Variants in ASIP observed in about 807,000 individuals in gnomAD.
ASIP encodes the protein agouti-signaling protein.
A neutral mutation model predicts 10.3 loss-of-function variants in ASIP; 11 were observed. The ratio of observed to expected loss-of-function variants is 1.07; its 90% CI spans 0.68 to 1.78. ASIP has a LOEUF of 1.78. ASIP is among the 40% of genes most tolerant of loss of function. The pLI, the probability that ASIP is intolerant of heterozygous loss-of-function variation, is 0.00. For synonymous variants in ASIP, 70 were observed against 70.8 expected (o/e 0.99, Z 0.06); for missense variants, 180 against 169.2 (o/e 1.06, Z -0.35).
At chr20:34,220,901 C>T (rs761290558) in intron 1 of ASIP, among the ~76,000 whole-genome samples, 2 of 151,398 alleles carry the variant, frequency 1.3e-5, no homozygotes, top group Admixed American at 6.6e-5. Flanking sequence ...TTTGTCACTC[C>T]GAAAGCCCAT....
intron 1 of ASIP, among the ~76,000 whole-genome samples, chr20:34,241,869 G>C (rs1011516744): frequency 6.6e-6 from 1 of 152,202 alleles, no homozygotes. Flanking sequence ...AACTCTTACA[G>C]AGCAGAATTT....
At chr20:34,208,790 C>T (rs1173041977) in intron 1 of ASIP, among the ~76,000 whole-genome samples, 1 of 152,166 alleles carries the variant, frequency 6.6e-6, no homozygotes, top group Non-Finnish European at 1.5e-5. Flanking sequence ...TCTTCAATTT[C>T]TTGAATCAAT....
intron 1 of ASIP, among the ~76,000 whole-genome samples, chr20:34,206,188 G>T (rs1362829406): frequency 1.3e-5 from 2 of 152,062 alleles, no homozygotes; most frequent in Non-Finnish European, 2.9e-5. Flanking sequence ...GTAGAGACGG[G>T]GTTTCACTAT....
chr20:34,233,438 C>T (rs568264441), intron 1 of ASIP, among the ~76,000 whole-genome samples: 17 of 152,068 alleles, frequency 1.1e-4, no homozygotes, highest in Non-Finnish European at 2.4e-4. Context: ...TGAGCCACCG[C>T]GCCCGGCCCA....
chr20:34,205,641 G>A lies in ASIP; in HGVS notation c.-11+10881G>A, dbSNP rs74973710. On this transcript the variant is annotated intron_variant, in intron 1 of 3. Coordinates refer to the ASIP transcript ENST00000568305. Reference sequence around the variant, plus strand: ...TATTTGGCCCCACCCACATCCTGTCGCTTGGTCTATTTTACAGAGCGCTGA... The same window carrying A: ...TATTTGGCCCCACCCACATCCTGTCACTTGGTCTATTTTACAGAGCGCTGA... 5.1e-4 allele frequency among the ~76,000 whole-genome samples: 76 copies of A among 148,236 alleles called. 7 individuals carry two copies. The highest frequency in any genetic ancestry group is 1.8e-3 in the African/African-American group (70 of 39,148).
At chr20:34,266,209 GGA>G (rs1568773474) in intron 3 of ASIP, among the ~76,000 whole-genome samples, 14 of 151,862 alleles carry the variant, frequency 9.2e-5, no homozygotes, top group Admixed American at 8.5e-4. Context: ...AAAATTAGCC[GGA>G]GGTGGTGGCG....
In ASIP at chr20:34,260,384, A is replaced by G. The variant is rs2035668434; in HGVS notation, c.10A>G (p.Thr4Ala). The change falls in exon 2 of 4, where the codon ACC becomes GCC. Residue 4 changes from threonine to alanine, a missense_variant. Coordinates refer to ENST00000374954, the MANE Select transcript of ASIP (RefSeq NM_001672.3). ...ACTCAGGCCTCCTGGGATGGATGTC[A>G]CCCGCTTACTCCTGGCCACCCTGCT... MDVTRLLLATLLVF... is the reference protein window; with the variant it reads MDVARLLLATLLVF... 1.9e-6 allele frequency: 3 copies of G among 1,613,308 alleles called. No individual in the cohort carries two copies. The highest frequency in any genetic ancestry group is 1.3e-5 in the African/African-American group (1 of 74,884).
intron 1 of ASIP, among the ~76,000 whole-genome samples, chr20:34,195,005 G>A (rs965688985): frequency 2.6e-5 from 4 of 152,020 alleles, no homozygotes; most frequent in African/African-American, 9.7e-5. Flanking sequence ...TCTGCTAATT[G>A]GAGTTTCAGA....
chr20:34,245,610 C>T (rs1168270365), intron 1 of ASIP, among the ~76,000 whole-genome samples: 1 of 151,662 alleles, frequency 6.6e-6, no homozygotes, highest in African/African-American at 2.4e-5. Context: ...AGGCTGGTCT[C>T]GAACTCCTGA....
rs2034889360 is a variant in ASIP, at chr20:34,200,969, T to TTCC, written c.-11+6210_-11+6211insCCT. On this transcript the variant is annotated intron_variant, in intron 1 of 3. Coordinates refer to the ASIP transcript ENST00000568305. Reference sequence around the variant, plus strand: ...TTGATTTTCTTTCTTTCTTTCTTTCTTTCCTTCCTTCCTTCCTTCCTTCCT... The same window carrying TTCC: ...TTGATTTTCTTTCTTTCTTTCTTTCTTCCTTCCTTCCTTCCTTCCTTCCTTCCT... Among the ~76,000 whole-genome samples, 48 of 72,924 alleles carry TTCC rather than the reference T, an allele frequency of 6.6e-4. 1 individual carries two copies. Among genetic ancestry groups the TTCC allele is most frequent in the South Asian group, 1.9e-3 (4 of 2,110 alleles). 47.8% of individuals were successfully genotyped at this position (72,924 alleles called of 152,430 possible).
At chr20:34,186,879 TCTTGGCTCA>T in the ASIP span, among the ~76,000 whole-genome samples, 1 of 152,244 alleles carries the variant, frequency 6.6e-6, no homozygotes, top group East Asian at 1.9e-4. Flanking sequence ...AGTGGTGCGA[TCTTGGCTCA>T]CTGCAACCTT....
At chr20:34,241,378 T>C (rs563182988), upstream of ASIP, 1 of 869,528 alleles carries the variant, frequency 1.2e-6, no homozygotes, top group African/African-American at 1.8e-5. Flanking sequence ...GTAGTATGAT[T>C]GGTTGTTTTC....
At chr20:34,207,963 G>A (rs1473468336) in intron 1 of ASIP, among the ~76,000 whole-genome samples, 1 of 151,624 alleles carries the variant, frequency 6.6e-6, no homozygotes, top group African/African-American at 2.4e-5. Flanking sequence ...CTGATTTTTT[G>A]TATTTTTAGT....
In ASIP at chr20:34,235,833, GAA is replaced by G. The variant is rs1568755869; in HGVS notation, c.-10-24530_-10-24529del. Among the ~76,000 whole-genome samples, 3 of 63,124 alleles carry G rather than the reference GAA, an allele frequency of 4.8e-5. No individual in the cohort carries two copies. In the African/African-American group the frequency reaches 5.2e-4, roughly 11 times the overall value. 41.4% of individuals were successfully genotyped at this position (63,124 alleles called of 152,430 possible). On this transcript the variant is annotated intron_variant, in intron 1 of 3. Transcript: ENST00000568305. ...AGAAAGAAAGAAAGAAAGAAAGAAA[GAA>G]AGAAAGAAGGAAGGAAGGAAGGAAG...
At chr20:34,223,552 G>A (rs1200038017) in intron 1 of ASIP, among the ~76,000 whole-genome samples, 1 of 126,588 alleles carries the variant, frequency 7.9e-6, no homozygotes. Context: ...AGGTGGGGGG[G>A]TCAGCCCCCC....
At chr20:34,191,794 A>G (rs552013746), upstream of ASIP, among the ~76,000 whole-genome samples, 7 of 147,174 alleles carry the variant, frequency 4.8e-5, no homozygotes, top group Non-Finnish European at 1.0e-4. Flanking sequence ...CAATGGCACA[A>G]TCTCAGCTCA....
chr20:34,214,703 ATTC>A, intron 1 of ASIP: 1 of 1,103,028 alleles, frequency 9.1e-7, no homozygotes, highest in Non-Finnish European at 1.4e-6. Context: ...TCAAAGTTAT[ATTC>A]TTCATCATAA....
intron 1 of ASIP, among the ~76,000 whole-genome samples, chr20:34,210,376 G>A (rs973337211): frequency 2.0e-5 from 3 of 152,226 alleles, no homozygotes; most frequent in African/African-American, 7.2e-5. Context: ...CCAGTGGCAG[G>A]TGTGGAAGCT....
chr20:34,211,029 C>T (rs188431737), intron 1 of ASIP, among the ~76,000 whole-genome samples: 82 of 152,236 alleles, frequency 5.4e-4, no homozygotes, highest in African/African-American at 1.9e-3. Flanking sequence ...AGTGTTCTCT[C>T]TCTTTTTTAA....
Sources: gnomAD v4.1 joint callset for allele counts (sites outside exome capture counted in the v4.1 genomes callset) on GRCh38, gnomAD v4.1.1 for gene constraint, MANE v1.5 for transcripts, NCBI Gene and HGNC (gene_info 2026-07-23, HGNC 2026-07-21) for gene names.